Variants in RUNX1 observed in about 807,000 individuals in gnomAD.
The protein encoded by RUNX1 is runt-related transcription factor 1.
RUNX1 carries 19 observed loss-of-function variants against 42.8 expected under a neutral mutation model. The ratio of observed to expected loss-of-function variants is 0.44; its 90% CI spans 0.31 to 0.65. The LOEUF (loss-of-function observed/expected upper bound fraction) is 0.65, where lower values mean the gene tolerates loss of function less well. Ranked by LOEUF, RUNX1 falls within the 30% of genes least tolerant of loss-of-function variation. The pLI, the probability that RUNX1 is intolerant of heterozygous loss-of-function variation, is 0.07. For missense variants in RUNX1, 528 were observed against 672.0 expected, an observed-to-expected ratio of 0.79 and a Z score of 2.37; for synonymous variants, 271 against 289.4, an observed-to-expected ratio of 0.94 and a Z score of 0.64.
chr21:34,957,112 T>G (rs1349895134), intron 2 of RUNX1, among the ~76,000 whole-genome samples: 1 of 152,206 alleles, frequency 6.6e-6, no homozygotes. Flanking sequence ...TGTGACCTGA[T>G]GCTCACCTGA....
chr21:34,959,428 T>C lies in RUNX1; in HGVS notation c.59-66465A>G, dbSNP rs375769230. Among the ~76,000 whole-genome samples the C allele has an allele frequency of 7.2e-5, 11 of 152,214 alleles. No homozygotes were observed. The East Asian group carries it at 1.9e-3, about 27-fold the overall frequency. On this transcript the variant is annotated intron_variant, in intron 2 of 8. Coordinates refer to ENST00000675419, the MANE Select transcript of RUNX1 (RefSeq NM_001754.5). ...ATAGGATTCTGAGGATTACACAAGC[T>C]AATACTAAGGCATGGAGAACAGTGC...
At chr21:35,022,693 G>C (rs1374422280) in intron 2 of RUNX1, among the ~76,000 whole-genome samples, 2 of 151,948 alleles carry the variant, frequency 1.3e-5, no homozygotes, top group Non-Finnish European at 2.9e-5. Flanking sequence ...TCAGGAATTC[G>C]AGACCAGCCC....
intron 2 of RUNX1, among the ~76,000 whole-genome samples, chr21:35,045,290 C>G (rs1422805857): frequency 2.0e-5 from 3 of 152,054 alleles, no homozygotes; most frequent in African/African-American, 7.2e-5. Flanking sequence ...CTTTAACATC[C>G]AAGAGAGCAG....
intron 2 of RUNX1, among the ~76,000 whole-genome samples, chr21:34,929,192 C>A (rs193070185): frequency 6.6e-6 from 1 of 152,116 alleles, no homozygotes; most frequent in African/African-American, 2.4e-5. Flanking sequence ...ATCATATACA[C>A]GTTAGGGTTC....
At chr21:34,932,377 G>A (rs371516554) in intron 2 of RUNX1, among the ~76,000 whole-genome samples, 380 of 152,228 alleles carry the variant, frequency 2.5e-3, no homozygotes, top group African/African-American at 8.7e-3. Flanking sequence ...CCTCTGTAGA[G>A]ATGTCCCCAG....
At chr21:34,895,031 T>C (rs2058118812) in intron 2 of RUNX1, among the ~76,000 whole-genome samples, 1 of 152,108 alleles carries the variant, frequency 6.6e-6, no homozygotes, top group Non-Finnish European at 1.5e-5. Context: ...AAAAATTAAC[T>C]CTGATCTCAT....
At chr21:35,028,837 T>C (rs2059254379) in intron 2 of RUNX1, among the ~76,000 whole-genome samples, 1 of 152,186 alleles carries the variant, frequency 6.6e-6, no homozygotes, top group Non-Finnish European at 1.5e-5. Flanking sequence ...TCTATGGGTC[T>C]AGGATCAGAA....
At chr21:34,954,149 A>C (rs539995027) in intron 2 of RUNX1, among the ~76,000 whole-genome samples, 1 of 152,188 alleles carries the variant, frequency 6.6e-6, no homozygotes, top group Non-Finnish European at 1.5e-5. Context: ...TTCTTTAAAC[A>C]TATCACTTCA....
Position 34,799,449 on chromosome 21 carries a change from G to A in RUNX1, c.819C>T (p.Ile273=). The change falls in exon 8 of 9, where the codon ATC becomes ATT. Residue 273 remains isoleucine (I), a synonymous_variant. Coordinates refer to ENST00000675419, the MANE Select transcript of RUNX1 (RefSeq NM_001754.5). ...CGTAGGACCACGGTGGGGATGGTTGGATCTGCCTTGTATCTGAAGAGAATC... is the reference window on the plus strand; with the variant it reads ...CGTAGGACCACGGTGGGGATGGTTGAATCTGCCTTGTATCTGAAGAGAATC... ...PQSQMQDTRQ[I]QPSPPWSYDQ... The A allele has an allele frequency of 6.2e-7, 1 of 1,614,134 alleles. No homozygotes were observed. The highest frequency in any genetic ancestry group is 8.5e-7 in the Non-Finnish European group (1 of 1,179,968).
chr21:34,930,268 ATG>A (rs141115974), intron 2 of RUNX1, among the ~76,000 whole-genome samples: 1 of 121,282 alleles, frequency 8.2e-6, no homozygotes, highest in Non-Finnish European at 1.6e-5. Flanking sequence ...GTGTGTGTGT[ATG>A]TATATATATA....
intron 7 of RUNX1, among the ~76,000 whole-genome samples, chr21:34,814,267 C>T (rs1324192583): frequency 6.6e-6 from 1 of 152,094 alleles, no homozygotes; most frequent in East Asian, 1.9e-4. Flanking sequence ...AACCCAAAGT[C>T]AAAATTAGGG....
intron 5 of RUNX1, among the ~76,000 whole-genome samples, chr21:34,873,086 T>C (rs1353789516): frequency 3.3e-5 from 5 of 152,176 alleles, no homozygotes; most frequent in Non-Finnish European, 5.9e-5. Flanking sequence ...TAATTATAGA[T>C]AGATAGAAAG....
intron 2 of RUNX1, among the ~76,000 whole-genome samples, chr21:35,017,884 T>C (rs2059170938): frequency 6.6e-6 from 1 of 152,168 alleles, no homozygotes. Flanking sequence ...GGTGGAACTG[T>C]CCACTTGAAT....
intron 2 of RUNX1, among the ~76,000 whole-genome samples, chr21:34,965,706 A>G (rs1226149705): frequency 3.9e-5 from 6 of 152,110 alleles, no homozygotes. Context: ...TCTCGAGATG[A>G]AAATCTGTGA....
intron 2 of RUNX1, among the ~76,000 whole-genome samples, chr21:35,022,919 T>TAATAATA (rs1178483104): frequency 1.3e-5 from 2 of 149,976 alleles, no homozygotes; most frequent in Admixed American, 1.3e-4. Context: ...ATAATAATAA[T>TAATAATA]AAGGCGGAGA....
intron 2 of RUNX1, among the ~76,000 whole-genome samples, chr21:34,928,840 AC>A (rs1315839978): frequency 2.6e-5 from 4 of 152,042 alleles, no homozygotes; most frequent in African/African-American, 7.2e-5. Context: ...TCCCATAATG[AC>A]TACTTCCACC....
rs1449005388 is a variant in RUNX1, at chr21:34,833,047, TG to T, written c.805+1362del. On this transcript the variant is annotated intron_variant, in intron 7 of 8. Coordinates refer to ENST00000675419, the MANE Select transcript of RUNX1 (RefSeq NM_001754.5). ...AACAGTGAGAGCTAATGGCATGGGC[TG>T]TCAAGCTCCATGGGAGACAGTGGGC... The T allele has an allele frequency of 2.0e-5, 3 of 152,264 alleles. No homozygotes were observed. In the East Asian group the frequency reaches 5.8e-4, roughly 29 times the overall value. The allele number at this position is 152,264 out of a possible 1,614,324, so 9.4% of individuals were successfully genotyped here. A position where few individuals can be genotyped will look rare whatever the true frequency, so the allele number is the denominator to read the frequency against.
chr21:34,920,650 C>T (rs561745469), intron 2 of RUNX1, among the ~76,000 whole-genome samples: 33 of 152,196 alleles, frequency 2.2e-4, no homozygotes, highest in Non-Finnish European at 4.1e-4. Context: ...TAAAAACTTG[C>T]GTTCTGAGGC....
intron 8 of RUNX1, 23 bp downstream of exon 8, chr21:34,799,278 G>T (rs991257574): frequency 6.2e-7 from 1 of 1,613,826 alleles, no homozygotes; most frequent in African/African-American, 1.3e-5. Context: ...CAGCTGCAAA[G>T]AATGTGTTTT....
Sources: allele counts gnomAD v4.1 joint callset (sites outside exome capture counted in the v4.1 genomes callset), GRCh38; gene constraint gnomAD v4.1.1; transcripts MANE v1.5; gene names NCBI Gene and HGNC (gene_info 2026-07-23, HGNC 2026-07-21).